The following UBE2F variants were observed in gnomAD, a reference collection of about 807,000 sequenced individuals.
The protein encoded by UBE2F is ubiquitin conjugating enzyme E2 F (putative).
UBE2F carries 5 observed loss-of-function variants against 29.6 expected under a neutral mutation model. The observed-to-expected ratio is 0.17, with a 90% CI of 0.09 to 0.36. The LOEUF (loss-of-function observed/expected upper bound fraction) is 0.36. Ranked by LOEUF, UBE2F falls within the 10% of genes least tolerant of loss-of-function variation. The probability of loss-of-function intolerance (pLI) is 1.00; values close to 1 mark genes in which losing one functional copy is unlikely to be tolerated. For synonymous variants in UBE2F, 66 were observed against 81.8 expected, an observed-to-expected ratio of 0.81 and a Z score of 1.04; for missense variants, 141 against 228.5, an observed-to-expected ratio of 0.62 and a Z score of 2.47.
Position 238,000,174 on chromosome 2 carries a change from C to G in UBE2F, c.214+5365C>G, listed in dbSNP as rs571621295. On this transcript the variant is annotated intron_variant, in intron 4 of 9. Coordinates refer to ENST00000272930, the MANE Select transcript of UBE2F (RefSeq NM_080678.3). ...TCTGTAAGACTTATATTGATGTCGC[C>G]TTTTTCATTACTGATACAGTAATTT... Among the ~76,000 whole-genome samples, 3 of 152,242 alleles carry G rather than the reference C, an allele frequency of 2.0e-5. No individual in the cohort carries two copies. The South Asian group carries it at 6.2e-4, about 32-fold the overall frequency.
At chr2:237,987,695 A>G (rs1290390491) in intron 2 of UBE2F, among the ~76,000 whole-genome samples, 1 of 152,222 alleles carries the variant, frequency 6.6e-6, no homozygotes, top group African/African-American at 2.4e-5. Context: ...CCTATAGGTC[A>G]TTTCTATGTT....
chr2:238,002,558 A>G lies in UBE2F; in HGVS notation c.214+7749A>G, dbSNP rs998746726. 2.6e-5 allele frequency among the ~76,000 whole-genome samples: 4 copies of G among 151,686 alleles called. No homozygotes were observed. In the East Asian group the frequency reaches 5.9e-4, roughly 22 times the overall value. ...GGCCGGAATATTCCAATTTTTGAGCAAAGAATTACAGTTGGTAAACCTGAA... is the reference window on the plus strand; with the variant it reads ...GGCCGGAATATTCCAATTTTTGAGCGAAGAATTACAGTTGGTAAACCTGAA... On this transcript the variant is annotated intron_variant, in intron 4 of 9. Transcript: ENST00000272930.
chr2:238,006,096 C>T (rs1255932244), intron 4 of UBE2F, among the ~76,000 whole-genome samples: 1 of 152,156 alleles, frequency 6.6e-6, no homozygotes, highest in Non-Finnish European at 1.5e-5. Context: ...TATGGTTCTG[C>T]AGGCTGTGTA....
chr2:238,018,731 G>A (rs2064222116), intron 5 of UBE2F, among the ~76,000 whole-genome samples: 1 of 152,084 alleles, frequency 6.6e-6, no homozygotes, highest in Non-Finnish European at 1.5e-5. Context: ...TATACATTAG[G>A]AAGTTTGGGT....
chr2:238,001,033 C>CTTTT (rs371184007), intron 4 of UBE2F, among the ~76,000 whole-genome samples: 20 of 111,826 alleles, frequency 1.8e-4, no homozygotes, highest in East Asian at 5.2e-4. Flanking sequence ...AGAGTTTTGC[C>CTTTT]TTTTTTTTTT....
Position 237,976,306 on chromosome 2 carries a change from A to C in UBE2F, c.118+3081A>C, listed in dbSNP as rs531307949. Among the ~76,000 whole-genome samples, 4 of 152,344 alleles carry C rather than the reference A, an allele frequency of 2.6e-5. No individual in the cohort carries two copies. The South Asian group carries it at 8.3e-4, about 32-fold the overall frequency. On this transcript the variant is annotated intron_variant, in intron 2 of 9. Coordinates refer to ENST00000272930, the MANE Select transcript of UBE2F (RefSeq NM_080678.3). ...TTGCAGCAAGGAGGGCCTGGATGTCAGCTGAGGAGGAGTGGGTAGAAGCTG... is the reference window on the plus strand; with the variant it reads ...TTGCAGCAAGGAGGGCCTGGATGTCCGCTGAGGAGGAGTGGGTAGAAGCTG...
intron 5 of UBE2F, among the ~76,000 whole-genome samples, chr2:238,023,497 T>C (rs2064341989): frequency 6.6e-6 from 1 of 152,138 alleles, no homozygotes; most frequent in Admixed American, 6.5e-5. Context: ...TACAAATAAA[T>C]AAAAAGATGA....
chr2:238,022,341 A>C lies in UBE2F; in HGVS notation c.283-3001A>C, dbSNP rs189392888. On this transcript the variant is annotated intron_variant, in intron 5 of 9. Coordinates refer to ENST00000272930, the MANE Select transcript of UBE2F (RefSeq NM_080678.3). ...CACTAATAAGCTGTTTATATTTTTT[A>C]TGAGCTGCTATTATGTCCTTTGCCC... Among the ~76,000 whole-genome samples the C allele has an allele frequency of 5.2e-4, 79 of 152,034 alleles. No individual in the cohort carries two copies. In the East Asian group the frequency reaches 7.0e-3, roughly 13 times the overall value.
intron 1 of UBE2F, among the ~76,000 whole-genome samples, chr2:237,968,127 G>A (rs979202109): frequency 3.3e-5 from 5 of 152,172 alleles, no homozygotes; most frequent in African/African-American, 9.7e-5. Flanking sequence ...GAACAAAGAG[G>A]AAACTGGCCT....
intron 9 of UBE2F, among the ~76,000 whole-genome samples, chr2:238,041,035 C>T (rs1343048347): frequency 2.0e-5 from 3 of 152,136 alleles, no homozygotes; most frequent in African/African-American, 4.8e-5. Flanking sequence ...TAGGTACCCC[C>T]TTAGGGTCCC....
At chr2:238,025,153 G>C (rs943877151) in intron 5 of UBE2F, 189 bp from the exon 6 acceptor site, 5 of 593,396 alleles carry the variant, frequency 8.4e-6, no homozygotes, top group African/African-American at 5.6e-5. Context: ...TGGATGCAGC[G>C]CATCAACACA....
At chr2:237,999,211 C>T (rs1410595755) in intron 4 of UBE2F, among the ~76,000 whole-genome samples, 2 of 151,822 alleles carry the variant, frequency 1.3e-5, no homozygotes, top group Non-Finnish European at 2.9e-5. Context: ...GCCTCTTTTA[C>T]TTAACGTAAT....
Position 238,014,279 on chromosome 2 carries a change from A to G in UBE2F, c.215-2287A>G, listed in dbSNP as rs763916352. Among the ~76,000 whole-genome samples, 8 of 152,244 alleles carry G rather than the reference A, an allele frequency of 5.3e-5. No homozygotes were observed. In the South Asian group the frequency reaches 1.7e-3, roughly 32 times the overall value. On this transcript the variant is annotated intron_variant, in intron 4 of 9. Coordinates refer to ENST00000272930, the MANE Select transcript of UBE2F (RefSeq NM_080678.3). ...TTGGATCAGGTCTAAAAACTGTGCA[A>G]CTTCAAAGAGGGAAAAAGAAGTACT...
At chr2:237,986,142 CTT>C (rs66771814) in intron 2 of UBE2F, 18,691 of 257,198 alleles carry the variant, frequency 0.073, no homozygotes, top group South Asian at 0.094. Context: ...CTTTTCTTTT[CTT>C]TTTTTTTTTT....
chr2:238,025,321 C>G (rs367582389), intron 5 of UBE2F, 21 bp from the exon 6 acceptor site: 30 of 1,610,704 alleles, frequency 1.9e-5, no homozygotes, highest in African/African-American at 1.2e-4. Flanking sequence ...CGTGATCTCT[C>G]TCATTGTCTC....
At position 237,996,895 on chromosome 2, in the gene UBE2F, A is replaced by G. The variant is rs531623868; in HGVS notation, c.214+2086A>G. Among the ~76,000 whole-genome samples, 11 of 152,280 alleles carry G rather than the reference A, an allele frequency of 7.2e-5. No individual in the cohort carries two copies. In the South Asian group the frequency reaches 2.3e-3, roughly 32 times the overall value. ...TCCTTGAAAATGGAGCATAATTGTT[A>G]CAGTTTTTGTACTCACTGTTCTATC... is the stretch of plus-strand genomic sequence containing the variant. On this transcript the variant is annotated intron_variant, in intron 4 of 9. Coordinates refer to ENST00000272930, the MANE Select transcript of UBE2F (RefSeq NM_080678.3).
At chr2:238,024,115 A>T (rs1312134353) in intron 5 of UBE2F, among the ~76,000 whole-genome samples, 1 of 152,334 alleles carries the variant, frequency 6.6e-6, no homozygotes, top group Non-Finnish European at 1.5e-5. Context: ...AGTATGCTGC[A>T]TGCACACTAT....
chr2:238,004,524 C>G (rs2063862166), intron 4 of UBE2F, among the ~76,000 whole-genome samples: 1 of 151,810 alleles, frequency 6.6e-6, no homozygotes, highest in South Asian at 2.1e-4. Context: ...TCCTTAAAGA[C>G]CTTTTAAAGA....
chr2:237,976,380 A>G (rs2063282410), intron 2 of UBE2F, among the ~76,000 whole-genome samples: 1 of 152,236 alleles, frequency 6.6e-6, no homozygotes, highest in Non-Finnish European at 1.5e-5. Context: ...CATGGTTAAT[A>G]GTAGCTAATA....
Sources: allele counts gnomAD v4.1 joint callset (sites outside exome capture counted in the v4.1 genomes callset), GRCh38; gene constraint gnomAD v4.1.1; transcripts MANE v1.5; gene names NCBI Gene and HGNC (gene_info 2026-07-23, HGNC 2026-07-21).